HDAC9: variants seen among roughly 807,000 people sequenced by gnomAD.
HDAC9 encodes histone deacetylase 9.
In HDAC9, 41 loss-of-function variants were observed where a neutral mutation model predicts 139.4. That is an observed-to-expected ratio of 0.29 (90% CI 0.23 to 0.38). HDAC9 has a LOEUF of 0.38. HDAC9 is among the 10% of genes least tolerant of loss of function. HDAC9 has a pLI of 1.00. For synonymous variants in HDAC9, 517 were observed against 476.2 expected, an observed-to-expected ratio of 1.09 and a Z score of -1.12; for missense variants, 1,147 against 1,297.0, an observed-to-expected ratio of 0.88 and a Z score of 1.78.
intron 1 of HDAC9, among the ~76,000 whole-genome samples, chr7:18,304,998 A>T (rs1798815108): frequency 6.6e-6 from 1 of 151,548 alleles, no homozygotes; most frequent in Non-Finnish European, 1.5e-5. Context: ...AAAGTTTAAG[A>T]ACTGGAAATT....
chr7:18,404,708 A>G (rs983476805), intron 1 of HDAC9, among the ~76,000 whole-genome samples: 2 of 152,240 alleles, frequency 1.3e-5, no homozygotes, highest in Admixed American at 1.3e-4. Flanking sequence ...CAGTTTTACC[A>G]TAGGCTAATT....
At chr7:18,260,539 T>G (rs983056237) in intron 2 of HDAC9, 1 of 153,974 alleles carries the variant, frequency 6.5e-6, no homozygotes, top group African/African-American at 2.4e-5. Flanking sequence ...CAGGATGGTC[T>G]CGATCTCCTG....
At chr7:18,424,199 G>T (rs1053955749) in intron 1 of HDAC9, among the ~76,000 whole-genome samples, 9 of 152,128 alleles carry the variant, frequency 5.9e-5, no homozygotes, top group African/African-American at 1.7e-4. Context: ...TTACACACTT[G>T]GCAATCAACT....
chr7:18,485,025 CAG>C (rs1795871236), intron 1 of HDAC9, among the ~76,000 whole-genome samples: 1 of 152,062 alleles, frequency 6.6e-6, no homozygotes, highest in Admixed American at 6.6e-5. Context: ...TTACAAAAAA[CAG>C]ATTGTTACAG....
chr7:18,265,768 C>T (rs1439840935), intron 2 of HDAC9, among the ~76,000 whole-genome samples: 1 of 152,050 alleles, frequency 6.6e-6, no homozygotes. Flanking sequence ...TAATACAAGA[C>T]AGCTGGATTT....
intron 22 of HDAC9, among the ~76,000 whole-genome samples, chr7:18,911,468 C>A (rs1802734904): frequency 2.0e-5 from 3 of 151,584 alleles, no homozygotes; most frequent in Admixed American, 2.0e-4. Flanking sequence ...TTTTTAAAAA[C>A]TTTTCATTTT....
At chr7:18,954,983 T>A (rs1783051188) in intron 24 of HDAC9, among the ~76,000 whole-genome samples, 1 of 152,068 alleles carries the variant, frequency 6.6e-6, no homozygotes, top group Non-Finnish European at 1.5e-5. Flanking sequence ...AAATTACCCA[T>A]TTATTTGATA....
At chr7:18,277,217 C>G (rs1275931098) in intron 2 of HDAC9, among the ~76,000 whole-genome samples, 2 of 152,170 alleles carry the variant, frequency 1.3e-5, no homozygotes. Flanking sequence ...AGTTTGTGCA[C>G]TCCAGAAGAA....
chr7:18,332,258 G>C (rs971338981), intron 1 of HDAC9, among the ~76,000 whole-genome samples: 1 of 151,496 alleles, frequency 6.6e-6, no homozygotes, highest in Non-Finnish European at 1.5e-5. Context: ...ATTATAAACT[G>C]GTCTGTTTAG....
chr7:18,970,127 G>A (rs887429620), intron 24 of HDAC9, among the ~76,000 whole-genome samples: 1 of 152,030 alleles, frequency 6.6e-6, no homozygotes, highest in African/African-American at 2.4e-5. Context: ...AAGTTTTCAA[G>A]ATTATAGGCA....
intron 1 of HDAC9, among the ~76,000 whole-genome samples, chr7:18,359,308 A>G (rs1050190594): frequency 2.6e-5 from 4 of 152,152 alleles, no homozygotes; most frequent in African/African-American, 7.2e-5. Context: ...ATATCGCACC[A>G]TTGCACTCCA....
intron 1 of HDAC9, among the ~76,000 whole-genome samples, chr7:18,392,391 AGATAGATG>A (rs1049558655): frequency 1.1e-4 from 15 of 132,872 alleles, no homozygotes; most frequent in Admixed American, 3.0e-4. Flanking sequence ...ATAGATGGAT[AGATAGATG>A]GATAGATAGA....
intron 22 of HDAC9, among the ~76,000 whole-genome samples, chr7:18,881,393 G>T (rs1382343594): frequency 6.6e-6 from 1 of 152,008 alleles, no homozygotes; most frequent in Non-Finnish European, 1.5e-5. Context: ...TCTTTATCAA[G>T]GTGCAGATAC....
At chr7:18,508,315 G>A (rs758962564) in intron 2 of HDAC9, among the ~76,000 whole-genome samples, 34 of 152,248 alleles carry the variant, frequency 2.2e-4, no homozygotes, top group Non-Finnish European at 3.4e-4. Flanking sequence ...TTCCTTCAAC[G>A]TTTAATTTGG....
At position 18,591,538 on chromosome 7, in the gene HDAC9, A is replaced by G; in HGVS notation, c.438A>G (p.Val146=). ...CAGGGGCAGTGGCAAGTACAGAAGTAAAGCAGAAGCTTCAAGAGTTCCTAC... is the reference window on the plus strand; with the variant it reads ...CAGGGGCAGTGGCAAGTACAGAAGTGAAGCAGAAGCTTCAAGAGTTCCTAC... The part of the protein sequence containing the change: ...GRERAVASTE[V]KQKLQEFLLS... The change falls in exon 5 of 26, where the codon GTA becomes GTG. Residue 146 remains valine, a synonymous_variant. Coordinates refer to ENST00000686413, the MANE Select transcript of HDAC9 (RefSeq NM_178425.4). 1 of 1,601,564 alleles carries G rather than the reference A, an allele frequency of 6.2e-7. No individual in the cohort carries two copies. The highest frequency in any genetic ancestry group is 1.3e-5 in the African/African-American group (1 of 74,696).
chr7:18,456,516 G>A (rs1793367219), intron 1 of HDAC9, among the ~76,000 whole-genome samples: 1 of 151,994 alleles, frequency 6.6e-6, no homozygotes, highest in South Asian at 2.1e-4. Flanking sequence ...ATTACAGGTG[G>A]TAGCAACCAA....
chr7:18,593,170 A>G (rs1169382295), intron 5 of HDAC9, among the ~76,000 whole-genome samples: 2 of 152,124 alleles, frequency 1.3e-5, no homozygotes, highest in African/African-American at 4.8e-5. Context: ...ATTTAAATAA[A>G]TAATACTGGT....
At chr7:18,868,323 G>T (rs1798647193) in intron 21 of HDAC9, among the ~76,000 whole-genome samples, 4 of 152,146 alleles carry the variant, frequency 2.6e-5, no homozygotes, top group Non-Finnish European at 5.9e-5. Flanking sequence ...GACAAAATAA[G>T]GAGGACTGTG....
At chr7:18,681,265 G>T (rs553035502) in intron 12 of HDAC9, among the ~76,000 whole-genome samples, 3 of 152,010 alleles carry the variant, frequency 2.0e-5, no homozygotes, top group Non-Finnish European at 4.4e-5. Context: ...TTTTGAATTA[G>T]AATATTCCAG....
Sources: gnomAD v4.1 joint callset for allele counts (sites outside exome capture counted in the v4.1 genomes callset) on GRCh38, gnomAD v4.1.1 for gene constraint, MANE v1.5 for transcripts, NCBI Gene and HGNC (gene_info 2026-07-23, HGNC 2026-07-21) for gene names.